AXDND1: variants seen among roughly 807,000 people sequenced by gnomAD.
The protein encoded by AXDND1 is axonemal dynein light chain domain containing 1.
AXDND1 carries 110 observed loss-of-function variants against 137.5 expected under a neutral mutation model. The ratio of observed to expected loss-of-function variants is 0.80; its 90% CI spans 0.69 to 0.94. The LOEUF is 0.94. AXDND1 is among the 40% of genes least tolerant of loss of function. The pLI is 0.00. For synonymous variants in AXDND1, 414 were observed against 399.7 expected (o/e 1.04, Z -0.43); for missense variants, 1,191 against 1,169.8 (o/e 1.02, Z -0.26).
intron 17 of AXDND1, among the ~76,000 whole-genome samples, chr1:179,482,231 A>C (rs12141677): frequency 0.46 from 68,967 of 150,664 alleles, 16,621 homozygotes; most frequent in East Asian, 0.76. Context: ...CAGACCTGAG[A>C]ACTCCTTAGA....
chr1:179,550,176 G>A (rs141982329), intron 25 of AXDND1, among the ~76,000 whole-genome samples: 1 of 152,138 alleles, frequency 6.6e-6, no homozygotes, highest in East Asian at 1.9e-4. Context: ...TAATGTTAGT[G>A]ACTTTTTTAA....
chr1:179,546,577 A>T (rs1672668195), intron 25 of AXDND1, among the ~76,000 whole-genome samples: 1 of 152,098 alleles, frequency 6.6e-6, no homozygotes, highest in Non-Finnish European at 1.5e-5. Context: ...TTCTGTACTT[A>T]GATGTCCAGA....
Position 179,468,538 on chromosome 1 carries a change from T to A in AXDND1, c.1894T>A (p.Trp632Arg). Residue 632 changes from tryptophan (W) to arginine (R), a missense_variant, in exon 17 of 26, where the codon TGG becomes AGG. By Grantham distance (101) the Trp-to-Arg change is moderately radical. Coordinates refer to ENST00000367618, the MANE Select transcript of AXDND1 (RefSeq NM_144696.6). ...GTTTCCTGATACGCCTCTTGAAGAA[T>A]GGCAGGAAATAGATGAAAAAATTAA... is the stretch of plus-strand genomic sequence containing the variant. ...LEFPDTPLEE[W>R]QEIDEKINEM... The A allele has an allele frequency of 1.2e-6, 2 of 1,612,816 alleles. No homozygotes were observed. The highest frequency in any genetic ancestry group is 1.7e-6 in the Non-Finnish European group (2 of 1,179,280).
chr1:179,382,965 A>G (rs866439022), intron 7 of AXDND1, among the ~76,000 whole-genome samples: 22 of 152,078 alleles, frequency 1.4e-4, no homozygotes, highest in African/African-American at 4.8e-4. Context: ...TGCATATTAA[A>G]TTTTACATAT....
chr1:179,528,557 A>G, intron 23 of AXDND1, 126 bp downstream of exon 23: 1 of 470,316 alleles, frequency 2.1e-6, no homozygotes, highest in Non-Finnish European at 3.6e-6. Flanking sequence ...TATTTTACAG[A>G]TATTTTTCTT....
chr1:179,469,818 G>A (rs905067468), intron 17 of AXDND1, among the ~76,000 whole-genome samples: 3 of 152,144 alleles, frequency 2.0e-5, no homozygotes, highest in African/African-American at 7.2e-5. Context: ...GGCTATTTGT[G>A]TATTTTCTTT....
At chr1:179,478,756 A>G (rs1664948351) in intron 17 of AXDND1, among the ~76,000 whole-genome samples, 1 of 152,196 alleles carries the variant, frequency 6.6e-6, no homozygotes, top group Non-Finnish European at 1.5e-5. Flanking sequence ...TCTCTATTGC[A>G]TTGTCAGGCT....
intron 16 of AXDND1, chr1:179,448,323 C>A: frequency 2.7e-6 from 2 of 745,428 alleles, no homozygotes; most frequent in South Asian, 2.8e-5. Flanking sequence ...AATGCACAGT[C>A]ATAGAGCACA....
intron 20 of AXDND1, among the ~76,000 whole-genome samples, chr1:179,503,595 G>A (rs1297485797): frequency 1.3e-5 from 2 of 151,146 alleles, no homozygotes; most frequent in Non-Finnish European, 2.9e-5. Context: ...GGGTACATGG[G>A]CACAATGTGC....
At chr1:179,523,621 G>A (rs1670273247) in intron 21 of AXDND1, among the ~76,000 whole-genome samples, 1 of 152,144 alleles carries the variant, frequency 6.6e-6, no homozygotes, top group Non-Finnish European at 1.5e-5. Flanking sequence ...CATGTAAATG[G>A]AATTATATAA....
intron 15 of AXDND1, among the ~76,000 whole-genome samples, chr1:179,435,430 G>C (rs1410662042): frequency 6.6e-6 from 1 of 152,160 alleles, no homozygotes; most frequent in African/African-American, 2.4e-5. Context: ...CATGCTACCT[G>C]ATTCAAACTA....
intron 18 of AXDND1, among the ~76,000 whole-genome samples, chr1:179,483,686 A>G (rs561194950): frequency 2.6e-5 from 4 of 152,308 alleles, no homozygotes; most frequent in African/African-American, 9.6e-5. Flanking sequence ...ATGAAATCAT[A>G]TGCTCAATTT....
intron 15 of AXDND1, among the ~76,000 whole-genome samples, chr1:179,438,366 TG>T (rs1465445743): frequency 1.3e-5 from 2 of 152,116 alleles, no homozygotes; most frequent in Admixed American, 1.3e-4. Flanking sequence ...CATAGGACCG[TG>T]GATTTTAACA....
intron 15 of AXDND1, among the ~76,000 whole-genome samples, chr1:179,444,243 A>C (rs1333952556): frequency 6.6e-6 from 1 of 152,060 alleles, no homozygotes; most frequent in African/African-American, 2.4e-5. Context: ...CTATGATGCA[A>C]GTCTTATAAT....
At chr1:179,438,808 A>T (rs988873909) in intron 15 of AXDND1, among the ~76,000 whole-genome samples, 1 of 152,248 alleles carries the variant, frequency 6.6e-6, no homozygotes, top group Non-Finnish European at 1.5e-5. Flanking sequence ...TAGCTGCCAA[A>T]AAAAGCGACT....
chr1:179,514,865 T>C (rs143616984), intron 21 of AXDND1, among the ~76,000 whole-genome samples: 4,915 of 152,260 alleles, frequency 0.032, 291 homozygotes, highest in African/African-American at 0.11. Flanking sequence ...TTGTTTTGTC[T>C]GATATAAGAA....
chr1:179,485,077 C>T (rs751902057), intron 18 of AXDND1, among the ~76,000 whole-genome samples: 7 of 152,212 alleles, frequency 4.6e-5, no homozygotes, highest in Admixed American at 1.3e-4. Flanking sequence ...GGCCCCCATG[C>T]GTGAACATGC....
rs1659517920 is a variant in AXDND1 at position 179,444,952 on chromosome 1, C to T, written c.1564-18C>T. ...TAGTGGATAATATGCTACTCTCCCTCTTCCTTTCACTCTTTAGATCCTGAA... is the reference window on the plus strand; with the variant it reads ...TAGTGGATAATATGCTACTCTCCCTTTTCCTTTCACTCTTTAGATCCTGAA... On this transcript the variant is annotated intron_variant, in intron 15 of 25. Transcript: ENST00000367618. 6.5e-7 allele frequency: 1 copy of T among 1,545,826 alleles called. No homozygotes were observed. The highest frequency in any genetic ancestry group is 8.9e-7 in the Non-Finnish European group (1 of 1,120,894).
intron 11 of AXDND1, among the ~76,000 whole-genome samples, chr1:179,410,879 T>A (rs1388346546): frequency 1.3e-5 from 2 of 152,172 alleles, no homozygotes; most frequent in Non-Finnish European, 2.9e-5. Flanking sequence ...AAGAATAAGA[T>A]GAAAAATGTT....
Sources: gnomAD v4.1 joint callset for allele counts (sites outside exome capture counted in the v4.1 genomes callset) on GRCh38, gnomAD v4.1.1 for gene constraint, MANE v1.5 for transcripts, NCBI Gene and HGNC (gene_info 2026-07-23, HGNC 2026-07-21) for gene names.